CNOT7: variants seen among roughly 807,000 people sequenced by gnomAD.
The protein encoded by CNOT7 is BTG1-binding factor 1.
Under a neutral mutation model 37.1 loss-of-function variants are expected in CNOT7, and 4 were observed. The ratio of observed to expected loss-of-function variants is 0.11; its 90% CI spans 0.05 to 0.25. The LOEUF is 0.25. Ranked by LOEUF, CNOT7 falls within the 10% of genes least tolerant of loss-of-function variation. The pLI is 1.00. For synonymous variants in CNOT7, 128 were observed against 115.6 expected, an observed-to-expected ratio of 1.11 and a Z score of -0.69; for missense variants, 170 against 336.2, an observed-to-expected ratio of 0.51 and a Z score of 3.87.
intron 6 of CNOT7, chr8:17,231,549 T>C: frequency 1.0e-6 from 1 of 985,154 alleles, no homozygotes; most frequent in Non-Finnish European, 1.2e-6. Context: ...CTATTATCAA[T>C]ACATTGCTAC....
At position 17,226,980 on chromosome 8, in the gene CNOT7, A is replaced by G. The variant is rs1305927142; in HGVS notation, c.*3740T>C. ...TAAGCCATTGAACGCCTGTGTGGCAAATCAAATCAGGATATTCAGCTTCTG... is the reference window on the plus strand; with the variant it reads ...TAAGCCATTGAACGCCTGTGTGGCAGATCAAATCAGGATATTCAGCTTCTG... On this transcript the variant is annotated 3_prime_UTR_variant, in exon 7 of 7. Coordinates refer to ENST00000361272, the MANE Select transcript of CNOT7 (RefSeq NM_013354.7). 1 of 150,380 alleles carries G rather than the reference A, an allele frequency of 6.6e-6. No homozygotes were observed. The highest frequency in any genetic ancestry group is 6.7e-5 in the Admixed American group (1 of 14,958). The allele number at this position is 150,380 out of a possible 1,614,324, so 9.3% of individuals were successfully genotyped here.
At position 17,228,290 on chromosome 8, in the gene CNOT7, A is replaced by G. The variant is rs1226525032; in HGVS notation, c.*2430T>C. ...AATTAATTAATGGCTCAGTAACACT[A>G]AAATATCAGCCAAATATCTTACATC... On this transcript the variant is annotated 3_prime_UTR_variant, in exon 7 of 7. Coordinates refer to ENST00000361272, the MANE Select transcript of CNOT7 (RefSeq NM_013354.7). 1.3e-5 allele frequency: 2 copies of G among 151,922 alleles called. No homozygotes were observed. The highest frequency in any genetic ancestry group is 4.8e-5 in the African/African-American group (2 of 41,424). The allele number at this position is 151,922 out of a possible 1,614,324, so 9.4% of individuals were successfully genotyped here.
In CNOT7 at chr8:17,245,265, C is replaced by A. The variant is rs1331767994; in HGVS notation, c.-95-18G>T. ...TTATGTACCTGTCAAAATAAAAAAA[C>A]AATATGAAGACCAGATATATCAAAT... On this transcript the variant is annotated intron_variant, in intron 1 of 6. Transcript: ENST00000361272. 3.7e-6 allele frequency: 4 copies of A among 1,094,230 alleles called. No individual in the cohort carries two copies. The highest frequency in any genetic ancestry group is 2.0e-5 in the South Asian group (1 of 50,704). The allele number at this position is 1,094,230 out of a possible 1,614,324, so 67.8% of individuals were successfully genotyped here.
At chr8:17,238,497 A>T (rs980158128) in intron 3 of CNOT7, among the ~76,000 whole-genome samples, 1 of 151,018 alleles carries the variant, frequency 6.6e-6, no homozygotes, top group Non-Finnish European at 1.5e-5. Flanking sequence ...AATAAACCCA[A>T]TGAAGTAGTT....
chr8:17,225,739 T>A lies in CNOT7; in HGVS notation c.*4981A>T, dbSNP rs534600301. The stretch of plus-strand genomic sequence containing the variant: ...TAGAAAAATAAATGACAGGTAACGT[T>A]GTTATAAAAGAAACTCTCATATAAA... On this transcript the variant is annotated 3_prime_UTR_variant, in exon 7 of 7. Transcript: ENST00000361272. 33 of 150,622 alleles carry A rather than the reference T, an allele frequency of 2.2e-4. No individual in the cohort carries two copies. Among genetic ancestry groups the A allele is most frequent in the African/African-American group, 7.9e-4 (32 of 40,566 alleles). 9.3% of individuals were successfully genotyped at this position (150,622 alleles called of 1,614,324 possible).
rs552595576 is a variant in CNOT7, at chr8:17,231,915, T to C, written c.729+512A>G. The C allele has an allele frequency of 2.1e-5, 21 of 986,828 alleles. No individual in the cohort carries two copies. The South Asian group carries it at 9.4e-4, about 44-fold the overall frequency. The allele number at this position is 986,828 out of a possible 1,614,324, so 61.1% of individuals were successfully genotyped here. A position where few individuals can be genotyped will look rare whatever the true frequency, so the allele number is the denominator to read the frequency against. On this transcript the variant is annotated intron_variant, in intron 6 of 6. Coordinates refer to ENST00000361272, the MANE Select transcript of CNOT7 (RefSeq NM_013354.7). ...ATTCAACCCCCCTTTTAAGACTCAA[T>C]GCAGTAAAAGAGCCTGAGTTCTTCT...
rs907316360 is a variant in CNOT7 at position 17,228,288 on chromosome 8, C to T, written c.*2432G>A. 6.6e-6 allele frequency: 1 copy of T among 151,788 alleles called. No individual in the cohort carries two copies. Among genetic ancestry groups the T allele is most frequent in the African/African-American group, 2.4e-5 (1 of 41,398 alleles). 9.4% of individuals were successfully genotyped at this position (151,788 alleles called of 1,614,324 possible). A position where few individuals can be genotyped will look rare whatever the true frequency, so the allele number is the denominator to read the frequency against. ...GTAATTAATTAATGGCTCAGTAACACTAAAATATCAGCCAAATATCTTACA... is the reference window on the plus strand; with the variant it reads ...GTAATTAATTAATGGCTCAGTAACATTAAAATATCAGCCAAATATCTTACA... On this transcript the variant is annotated 3_prime_UTR_variant, in exon 7 of 7. Transcript: ENST00000361272.
chr8:17,242,795 A>G (rs370261894), intron 3 of CNOT7, 197 bp downstream of exon 3: 1 of 411,360 alleles, frequency 2.4e-6, no homozygotes, highest in Middle Eastern at 3.9e-4. Flanking sequence ...TTTAAATATA[A>G]CATCTTTAAC....
chr8:17,232,334 G>A (rs923300061), intron 6 of CNOT7, 93 bp downstream of exon 6: 40 of 1,601,656 alleles, frequency 2.5e-5, no homozygotes, highest in Non-Finnish European at 3.2e-5. Context: ...TCTTTACTTA[G>A]TAGGTACTTG....
At chr8:17,237,158 T>G in intron 4 of CNOT7, 54 bp downstream of exon 4, 11 of 1,555,588 alleles carry the variant, frequency 7.1e-6, no homozygotes, top group Non-Finnish European at 9.7e-6. Flanking sequence ...CAAGTAAGTG[T>G]GGAGCAAGTA....
chr8:17,232,188 G>T (rs1245674985), intron 6 of CNOT7: 1 of 1,302,568 alleles, frequency 7.7e-7, no homozygotes, highest in Non-Finnish European at 9.8e-7. Flanking sequence ...GACTTCTCAG[G>T]TAGTTTATGT....
chr8:17,230,392 TTTA>T lies in CNOT7; in HGVS notation c.*325_*327del, dbSNP rs1392040074. ...ATAAATTACAGTCAGTGCTAGTTAA[TTTA>T]GGAAAAGGGAAAAATAAACCAAACT... On this transcript the variant is annotated 3_prime_UTR_variant, in exon 7 of 7. Transcript: ENST00000361272. 1.8e-5 allele frequency: 3 copies of T among 165,618 alleles called. No individual in the cohort carries two copies. Among genetic ancestry groups the T allele is most frequent in the Non-Finnish European group, 2.6e-5 (2 of 76,818 alleles). The allele number at this position is 165,618 out of a possible 1,614,324, so 10.3% of individuals were successfully genotyped here.
Position 17,228,133 on chromosome 8 carries a change from A to T in CNOT7, c.*2587T>A, listed in dbSNP as rs956372979. 1 of 151,872 alleles carries T rather than the reference A, an allele frequency of 6.6e-6. No individual in the cohort carries two copies. The highest frequency in any genetic ancestry group is 1.5e-5 in the Non-Finnish European group (1 of 67,828). 9.4% of individuals were successfully genotyped at this position (151,872 alleles called of 1,614,324 possible). A position where few individuals can be genotyped will look rare whatever the true frequency, so the allele number is the denominator to read the frequency against. ...GATGTCAGGAAATAATCTTTTGATT[A>T]TTTTTCCCAACCATTTAAAAGCCAT... On this transcript the variant is annotated 3_prime_UTR_variant, in exon 7 of 7. Coordinates refer to ENST00000361272, the MANE Select transcript of CNOT7 (RefSeq NM_013354.7).
In CNOT7 at chr8:17,239,834, A is replaced by C. The variant is rs1585824709; in HGVS notation, c.312-2461T>G. ...TTAAAAATTTGTTTTAATCCTCTTT[A>C]TCAGTGACATTATTTCCACAGAATG... On this transcript the variant is annotated intron_variant, in intron 3 of 6. Transcript: ENST00000361272. Among the ~76,000 whole-genome samples, 3 of 152,212 alleles carry C rather than the reference A, an allele frequency of 2.0e-5. No homozygotes were observed. The South Asian group carries it at 6.2e-4, about 31-fold the overall frequency.
At chr8:17,231,577 C>A (rs1394747721) in intron 6 of CNOT7, 9 of 985,032 alleles carry the variant, frequency 9.1e-6, no homozygotes, top group Non-Finnish European at 1.1e-5. Context: ...TTTAAATTCT[C>A]AGTCTCAATT....
At chr8:17,237,471 C>CA in intron 3 of CNOT7, 98 bp from the exon 4 acceptor site, 3 of 1,130,792 alleles carry the variant, frequency 2.7e-6, no homozygotes, top group Admixed American at 2.1e-5. Flanking sequence ...AGAAAAGAGA[C>CA]AGAGGAATGG....
In CNOT7 at chr8:17,231,684, A is replaced by C. The variant is rs926467979; in HGVS notation, c.729+743T>G. ...AACCTCACTTGTTTTTTGCACAACC[A>C]ATTTTCCTGTTTACCTATAGCTAGG... On this transcript the variant is annotated intron_variant, in intron 6 of 6. Coordinates refer to ENST00000361272, the MANE Select transcript of CNOT7 (RefSeq NM_013354.7). The C allele has an allele frequency of 3.0e-6, 3 of 985,378 alleles. No homozygotes were observed. In the African/African-American group the frequency reaches 5.2e-5, roughly 17 times the overall value. The allele number at this position is 985,378 out of a possible 1,614,324, so 61.0% of individuals were successfully genotyped here.
At chr8:17,239,036 A>T (rs934835343) in intron 3 of CNOT7, among the ~76,000 whole-genome samples, 1 of 152,216 alleles carries the variant, frequency 6.6e-6, no homozygotes, top group Non-Finnish European at 1.5e-5. Context: ...TCTGTAAAAC[A>T]AAATAAAAAC....
chr8:17,240,468 T>C (rs191191729), intron 3 of CNOT7, among the ~76,000 whole-genome samples: 10 of 152,294 alleles, frequency 6.6e-5, no homozygotes, highest in African/African-American at 2.2e-4. Flanking sequence ...ACACCCCTAG[T>C]GTAAATGGTA....
Sources: allele counts gnomAD v4.1 joint callset (sites outside exome capture counted in the v4.1 genomes callset), GRCh38; gene constraint gnomAD v4.1.1; transcripts MANE v1.5; gene names NCBI Gene and HGNC (gene_info 2026-07-23, HGNC 2026-07-21).